The following GRB10 variants were observed in gnomAD, a reference collection of about 807,000 sequenced individuals.
The protein encoded by GRB10 is growth factor receptor-bound protein 10.
GRB10 carries 20 observed loss-of-function variants against 80.9 expected under a neutral mutation model. The ratio of observed to expected loss-of-function variants is 0.25; its 90% CI spans 0.17 to 0.36. The LOEUF (loss-of-function observed/expected upper bound fraction) is 0.36. Among genes scored for constraint, GRB10 ranks in the 10% least tolerant of loss-of-function variants. The pLI is 1.00. For missense variants in GRB10, 548 were observed against 747.7 expected, an observed-to-expected ratio of 0.73 and a Z score of 3.12; for synonymous variants, 291 against 291.5, an observed-to-expected ratio of 1.00 and a Z score of 0.02.
chr7:50,742,800 T>C (rs939778671), intron 3 of GRB10, among the ~76,000 whole-genome samples: 2 of 152,108 alleles, frequency 1.3e-5, no homozygotes, highest in Non-Finnish European at 2.9e-5. Context: ...ACCACTCTTT[T>C]CTTTAAATTA....
intron 8 of GRB10, 84 bp from the exon 9 acceptor site, chr7:50,619,369 C>A: frequency 7.2e-6 from 6 of 829,804 alleles, no homozygotes; most frequent in Non-Finnish European, 1.3e-5. Flanking sequence ...ATTTGTTCAA[C>A]TTTCTATTCT....
intron 5 of GRB10, among the ~76,000 whole-genome samples, chr7:50,700,773 G>T (rs1247857735): frequency 1.3e-5 from 2 of 152,106 alleles, no homozygotes; most frequent in Admixed American, 6.5e-5. Context: ...TATGTGATTT[G>T]TTTTCAACTT....
At chr7:50,773,934 T>G (rs893330838) in intron 2 of GRB10, among the ~76,000 whole-genome samples, 1 of 152,230 alleles carries the variant, frequency 6.6e-6, no homozygotes, top group East Asian at 1.9e-4. Context: ...CTCAGCTCAC[T>G]GCAAGCTCCG....
At position 50,765,359 on chromosome 7, in the gene GRB10, C is replaced by T. The variant is rs530584032; in HGVS notation, c.-216-9303G>A. ...AGGATCTGTATCAAAAAGATATCTG[C>T]ACACCCGTGTTTACTGCAGCATTAT... On this transcript the variant is annotated intron_variant, in intron 2 of 18. Transcript: ENST00000401949. Among the ~76,000 whole-genome samples, 5 of 152,294 alleles carry T rather than the reference C, an allele frequency of 3.3e-5. No individual in the cohort carries two copies. In the East Asian group the frequency reaches 9.6e-4, roughly 29 times the overall value.
At position 50,626,356 on chromosome 7, in the gene GRB10, C is replaced by T. The variant is rs1324547546; in HGVS notation, c.661+466G>A. ...CTTCATAATTTGCTCCAATTCCCAG[C>T]GGACCTCTCTGCACTTTGCTGCCTA... On this transcript the variant is annotated intron_variant, in intron 8 of 18. Transcript: ENST00000401949. Among the ~76,000 whole-genome samples the T allele has an allele frequency of 6.6e-5, 10 of 152,344 alleles. No homozygotes were observed. The East Asian group carries it at 9.6e-4, about 15-fold the overall frequency.
Position 50,772,159 on chromosome 7 carries a change from A to C in GRB10, c.-217+8468T>G, listed in dbSNP as rs2077042091. On this transcript the variant is annotated intron_variant, in intron 2 of 18. Transcript: ENST00000401949. ...ACAAAAAGGGAAAAAAGTTGTGAGA[A>C]CCTTGGTATAAGAACCCCCCTTGCC... Among the ~76,000 whole-genome samples the C allele has an allele frequency of 2.0e-5, 3 of 152,184 alleles. No individual in the cohort carries two copies. The South Asian group carries it at 6.2e-4, about 32-fold the overall frequency.
intron 8 of GRB10, among the ~76,000 whole-genome samples, chr7:50,624,609 G>T (rs2052536639): frequency 6.6e-6 from 1 of 152,206 alleles, no homozygotes; most frequent in Non-Finnish European, 1.5e-5. Context: ...AATGAGTCCT[G>T]GGGGTACTGA....
chr7:50,596,567 A>G (rs1317421121), intron 17 of GRB10, among the ~76,000 whole-genome samples: 1 of 152,258 alleles, frequency 6.6e-6, no homozygotes, highest in Non-Finnish European at 1.5e-5. Context: ...GAAGAAGGGT[A>G]TAGATTAGAC....
chr7:50,607,439 T>C (rs1224585513), intron 13 of GRB10, among the ~76,000 whole-genome samples: 1 of 152,230 alleles, frequency 6.6e-6, no homozygotes, highest in Non-Finnish European at 1.5e-5. Flanking sequence ...GCTGCTACTG[T>C]GGCCCCTCAG....
intron 7 of GRB10, among the ~76,000 whole-genome samples, chr7:50,659,059 G>A (rs1323807954): frequency 8.5e-5 from 13 of 152,192 alleles, no homozygotes; most frequent in African/African-American, 1.4e-4. Flanking sequence ...CCCAAAGTGC[G>A]TTCTGTGTAA....
chr7:50,716,308 C>A (rs1479350488), intron 4 of GRB10, among the ~76,000 whole-genome samples: 1 of 152,130 alleles, frequency 6.6e-6, no homozygotes, highest in Non-Finnish European at 1.5e-5. Flanking sequence ...AGCTTATAAG[C>A]CAGCCTCAAA....
At chr7:50,674,799 G>A in intron 5 of GRB10, 141 bp from the exon 6 acceptor site, 1 of 719,388 alleles carries the variant, frequency 1.4e-6, no homozygotes, top group South Asian at 1.5e-5. Context: ...GAAACACCAA[G>A]ACAAGTATGA....
chr7:50,606,587 A>T, intron 13 of GRB10, 173 bp from the exon 14 acceptor site: 1 of 641,142 alleles, frequency 1.6e-6, no homozygotes, highest in East Asian at 2.8e-5. Context: ...GATTAGGAGC[A>T]ATGACGCCCC....
At chr7:50,677,226 C>T (rs2061050855) in intron 5 of GRB10, among the ~76,000 whole-genome samples, 1 of 152,146 alleles carries the variant, frequency 6.6e-6, no homozygotes, top group South Asian at 2.1e-4. Flanking sequence ...ATTAAAAGGA[C>T]AAAGTGCTGA....
intron 7 of GRB10, among the ~76,000 whole-genome samples, chr7:50,641,567 T>C (rs1347548085): frequency 1.3e-5 from 2 of 152,204 alleles, no homozygotes; most frequent in South Asian, 2.1e-4. Flanking sequence ...GGGGCACTCA[T>C]TTTCCTGTGT....
In GRB10 at chr7:50,605,413, A is replaced by T. The variant is rs1463437553; in HGVS notation, c.1273-7T>A. ...AGTTCTCGGAGACACTGCGCTGAAAAGGAAAGGCCGCAGTTCTTAAAATGC... is the reference window on the plus strand; with the variant it reads ...AGTTCTCGGAGACACTGCGCTGAAATGGAAAGGCCGCAGTTCTTAAAATGC... On this transcript the variant is annotated splice_region_variant and splice_polypyrimidine_tract_variant and intron_variant, in intron 14 of 18. Transcript: ENST00000401949. 1.2e-6 allele frequency: 2 copies of T among 1,607,150 alleles called. No individual in the cohort carries two copies. The highest frequency in any genetic ancestry group is 4.5e-5 in the East Asian group (2 of 44,824).
rs553215742 is a variant in GRB10 at position 50,704,233 on chromosome 7, T to C, written c.52-325A>G. 2.1e-3 allele frequency among the ~76,000 whole-genome samples: 313 copies of C among 152,348 alleles called. 1 individual carries two copies. Among genetic ancestry groups the C allele is most frequent in the African/African-American group, 7.2e-3 (298 of 41,586 alleles). ...GTGAATAGAAATAATTAACATTCCA[T>C]GGAACACATGCATTTTCTGTAACAA... On this transcript the variant is annotated intron_variant, in intron 4 of 18. Transcript: ENST00000401949.
chr7:50,691,323 G>A (rs2062786333), intron 5 of GRB10, among the ~76,000 whole-genome samples: 1 of 152,128 alleles, frequency 6.6e-6, no homozygotes, highest in Non-Finnish European at 1.5e-5. Context: ...ATGCTTAGAG[G>A]CCAGAGCCCA....
intron 11 of GRB10, among the ~76,000 whole-genome samples, chr7:50,615,704 T>C (rs1331721821): frequency 6.6e-6 from 1 of 152,210 alleles, no homozygotes; most frequent in Non-Finnish European, 1.5e-5. Flanking sequence ...GACAAGAGTG[T>C]ACATGGGAGC....
Sources: gnomAD v4.1 joint callset for allele counts (sites outside exome capture counted in the v4.1 genomes callset) on GRCh38, gnomAD v4.1.1 for gene constraint, MANE v1.5 for transcripts, NCBI Gene and HGNC (gene_info 2026-07-23, HGNC 2026-07-21) for gene names.